Variants in GALNT18 observed in about 807,000 individuals in gnomAD.
The protein encoded by GALNT18 is polypeptide N-acetylgalactosaminyltransferase 18.
GALNT18 carries 44 observed loss-of-function variants against 69.5 expected under a neutral mutation model. That is an observed-to-expected ratio of 0.63 (90% confidence interval 0.50 to 0.81). The LOEUF (loss-of-function observed/expected upper bound fraction) is 0.81, where lower values mean the gene tolerates loss of function less well. Among genes scored for constraint, GALNT18 ranks in the 40% least tolerant of loss-of-function variants. GALNT18 has a pLI of 0.00. For synonymous variants in GALNT18, 364 were observed against 318.2 expected (o/e 1.14, Z -1.53); for missense variants, 715 against 810.0 (o/e 0.88, Z 1.42).
intron 1 of GALNT18, among the ~76,000 whole-genome samples, chr11:11,593,748 G>C (rs1238382626): frequency 1.3e-5 from 2 of 152,086 alleles, no homozygotes; most frequent in African/African-American, 4.8e-5. Context: ...GGGTAACACA[G>C]CAAGACCCCA....
chr11:11,511,670 G>T lies in GALNT18; in HGVS notation c.236-62734C>A, dbSNP rs1436075331. On this transcript the variant is annotated intron_variant, in intron 1 of 10. Coordinates refer to ENST00000227756, the MANE Select transcript of GALNT18 (RefSeq NM_198516.3). The surrounding 1 kb of genome is among the most constrained non-coding windows in gnomAD (Gnocchi z 4.9). The stretch of plus-strand genomic sequence containing the variant: ...CAGTGTGATGATGTTTGAAGGTAGG[G>T]CCTTTGGGAGGTGATTGGATCATAA... Among the ~76,000 whole-genome samples, 2 of 152,180 alleles carry T rather than the reference G, an allele frequency of 1.3e-5. No homozygotes were observed. Among genetic ancestry groups the T allele is most frequent in the South Asian group, 4.1e-4 (2 of 4,822 alleles).
chr11:11,422,935 AG>A (rs1321772587), intron 3 of GALNT18, among the ~76,000 whole-genome samples: 4 of 152,228 alleles, frequency 2.6e-5, no homozygotes, highest in Non-Finnish European at 4.4e-5. Context: ...AGGTGGCTCC[AG>A]GTAGCAGTGG....
At chr11:11,483,086 G>A (rs987012428) in intron 1 of GALNT18, among the ~76,000 whole-genome samples, 5 of 152,190 alleles carry the variant, frequency 3.3e-5, no homozygotes, top group Admixed American at 2.6e-4. Context: ...AAGAAGCTAT[G>A]GGTTTGCCAG....
chr11:11,566,439 C>T (rs1331112843), intron 1 of GALNT18, among the ~76,000 whole-genome samples: 1 of 152,172 alleles, frequency 6.6e-6, no homozygotes, highest in East Asian at 1.9e-4. Flanking sequence ...TTGTAAGTAA[C>T]ACTATTGTAT....
In GALNT18 at chr11:11,332,739, C is replaced by T. The variant is rs773841452; in HGVS notation, c.1371G>A (p.Val457=). Residue 457 remains valine, a synonymous_variant, in exon 8 of 11, where the codon GTG becomes GTA. Coordinates refer to ENST00000227756, the MANE Select transcript of GALNT18 (RefSeq NM_198516.3). The surrounding 1 kb of genome is among the most constrained non-coding windows in gnomAD (Gnocchi z 4.3). Reference sequence around the variant, plus strand: ...CGGAGTACATCCTCATCTCTGGGTACACGCTGACCAGGTACCACCGGAAGG... The same window carrying T: ...CGGAGTACATCCTCATCTCTGGGTATACGCTGACCAGGTACCACCGGAAGG... ...CKTFRWYLVS[V]YPEMRMYSDI... 6.2e-7 allele frequency: 1 copy of T among 1,614,114 alleles called. No individual in the cohort carries two copies. Among genetic ancestry groups the T allele is most frequent in the East Asian group, 2.2e-5 (1 of 44,880 alleles).
intron 1 of GALNT18, among the ~76,000 whole-genome samples, chr11:11,528,747 G>A (rs1857575216): frequency 6.6e-6 from 1 of 152,198 alleles, no homozygotes; most frequent in African/African-American, 2.4e-5. Flanking sequence ...AGAGAGAAAA[G>A]TGATAGATTT....
chr11:11,315,999 C>G lies in GALNT18; in HGVS notation c.1512+11087G>C, dbSNP rs147344212. ...ATGAATGGTGGCCCCTGGAACCGTGCGAGGTGACAGCTCAGAGGACAATAA... is the reference window on the plus strand; with the variant it reads ...ATGAATGGTGGCCCCTGGAACCGTGGGAGGTGACAGCTCAGAGGACAATAA... On this transcript the variant is annotated intron_variant, in intron 9 of 10. Coordinates refer to ENST00000227756, the MANE Select transcript of GALNT18 (RefSeq NM_198516.3). This position sits in a 1 kb window ranked among gnomAD's most constrained non-coding sequence, Gnocchi z 5.6. 1.3e-5 allele frequency among the ~76,000 whole-genome samples: 2 copies of G among 152,126 alleles called. No individual in the cohort carries two copies. The highest frequency in any genetic ancestry group is 1.5e-5 in the Non-Finnish European group (1 of 68,036).
intron 9 of GALNT18, among the ~76,000 whole-genome samples, chr11:11,293,474 T>C (rs542968162): frequency 2.6e-5 from 4 of 152,104 alleles, no homozygotes; most frequent in East Asian, 3.9e-4. Context: ...TAATCTTTCA[T>C]TGGAAAACAT....
At chr11:11,445,243 T>A (rs1855623507) in intron 2 of GALNT18, among the ~76,000 whole-genome samples, 2 of 152,174 alleles carry the variant, frequency 1.3e-5, no homozygotes, top group Non-Finnish European at 2.9e-5. Context: ...ACTAGTGACC[T>A]TGGGCAGGAG....
chr11:11,346,058 C>T (rs1415158223), intron 6 of GALNT18, among the ~76,000 whole-genome samples: 1 of 152,220 alleles, frequency 6.6e-6, no homozygotes, highest in East Asian at 1.9e-4. Context: ...ATAATTTATC[C>T]CCCACTTACG....
intron 3 of GALNT18, among the ~76,000 whole-genome samples, chr11:11,401,977 T>C (rs534560280): frequency 6.6e-6 from 1 of 152,322 alleles, no homozygotes; most frequent in Non-Finnish European, 1.5e-5. Flanking sequence ...GGCTGGGCCT[T>C]AAGGAATAAA....
chr11:11,460,561 C>G (rs556518995), intron 1 of GALNT18, among the ~76,000 whole-genome samples: 1 of 152,346 alleles, frequency 6.6e-6, no homozygotes, highest in East Asian at 1.9e-4. Flanking sequence ...CCACTCCTCC[C>G]TGACCTTGAA....
In GALNT18 at chr11:11,550,666, G is replaced by A. The variant is rs79076581; in HGVS notation, c.235+70693C>T. Among the ~76,000 whole-genome samples, 51 of 152,330 alleles carry A rather than the reference G, an allele frequency of 3.3e-4. 1 individual carries two copies. The highest frequency in any genetic ancestry group is 2.4e-3 in the Admixed American group (37 of 15,304). On this transcript the variant is annotated intron_variant, in intron 1 of 10. Transcript: ENST00000227756. Reference sequence around the variant, plus strand: ...GAGTCCCATGCCATGGGAGTGTACCGTCTGGAGCAGCATTATCCAACAGAA... The same window carrying A: ...GAGTCCCATGCCATGGGAGTGTACCATCTGGAGCAGCATTATCCAACAGAA...
chr11:11,282,418 G>A (rs768661724), intron 10 of GALNT18, among the ~76,000 whole-genome samples: 10 of 152,192 alleles, frequency 6.6e-5, no homozygotes, highest in Non-Finnish European at 1.2e-4. Flanking sequence ...CCTGACAAAA[G>A]CCCTGAGAGG....
chr11:11,594,501 A>G (rs944755635), intron 1 of GALNT18, among the ~76,000 whole-genome samples: 2 of 152,118 alleles, frequency 1.3e-5, no homozygotes, highest in African/African-American at 2.4e-5. Flanking sequence ...ACCCAGCCCT[A>G]GGCAACCTCT....
At chr11:11,560,335 G>GA (rs771280494) in intron 1 of GALNT18, among the ~76,000 whole-genome samples, 73 of 126,314 alleles carry the variant, frequency 5.8e-4, no homozygotes, top group Non-Finnish European at 1.1e-3. Context: ...GGTGGGATGA[G>GA]ATGGGAGGTG....
intron 1 of GALNT18, among the ~76,000 whole-genome samples, chr11:11,458,879 G>A (rs966316214): frequency 6.6e-6 from 1 of 152,224 alleles, no homozygotes; most frequent in Non-Finnish European, 1.5e-5. Flanking sequence ...AAGCTGGCTG[G>A]TCTGGGAGAC....
rs985424624 is a variant in GALNT18, at chr11:11,605,128, G to A, written c.235+16231C>T. ...TCCGGCTAATGGGCTGTGCTGTCCC[G>A]ACAGGCAGAGTCTGAGGAGGAACTT... On this transcript the variant is annotated intron_variant, in intron 1 of 10. Transcript: ENST00000227756. This position sits in a 1 kb window ranked among gnomAD's most constrained non-coding sequence, Gnocchi z 4.7. Among the ~76,000 whole-genome samples, 18 of 152,248 alleles carry A rather than the reference G, an allele frequency of 1.2e-4. No homozygotes were observed. Among genetic ancestry groups the A allele is most frequent in the African/African-American group, 4.1e-4 (17 of 41,558 alleles).
chr11:11,381,710 C>T (rs1249270098), intron 3 of GALNT18, among the ~76,000 whole-genome samples: 1 of 152,182 alleles, frequency 6.6e-6, no homozygotes, highest in Non-Finnish European at 1.5e-5. Flanking sequence ...ATTAGGCCAC[C>T]CCACAAAGGC....
Sources: gnomAD v4.1 joint callset for allele counts (sites outside exome capture counted in the v4.1 genomes callset) on GRCh38, gnomAD v4.1.1 for gene constraint, Gnocchi (gnomAD v3.1) non-coding constraint, MANE v1.5 for transcripts, NCBI Gene and HGNC (gene_info 2026-07-23, HGNC 2026-07-21) for gene names.